Variants in AFF2 observed in about 807,000 individuals in gnomAD.
AFF2 encodes the protein ALF transcription elongation factor 2.
A neutral mutation model predicts 76.9 loss-of-function variants in AFF2; 14 were observed. The observed-to-expected ratio is 0.18, with a 90% confidence interval of 0.12 to 0.28. The LOEUF is 0.28. AFF2 is among the 10% of genes least tolerant of loss of function. The pLI, the probability that AFF2 is intolerant of heterozygous loss-of-function variation, is 1.00. For synonymous variants in AFF2, 398 were observed against 366.7 expected (o/e 1.09, Z -0.98); for missense variants, 868 against 1,001.1 (o/e 0.87, Z 1.79).
intron 19 of AFF2, 65 bp from the exon 20 acceptor site, chrX:148,987,302 G>T: frequency 9.7e-7 from 1 of 1,027,481 alleles, no homozygotes; most frequent in East Asian, 3.1e-5. Context: ...GATGGGGAAG[G>T]CCTAGAACCC....
intron 1 of AFF2, among the ~76,000 whole-genome samples, chrX:148,588,357 A>G (rs2053489598): frequency 8.9e-6 from 1 of 112,882 alleles, no homozygotes; most frequent in Non-Finnish European, 1.9e-5. Flanking sequence ...TGCAGCAGAC[A>G]GTGAAGGTTT....
chrX:148,825,519 G>A (rs1197054143), intron 4 of AFF2, among the ~76,000 whole-genome samples: 1 of 110,285 alleles, frequency 9.1e-6, no homozygotes, highest in Non-Finnish European at 1.9e-5. Context: ...TTTGGCCAAG[G>A]AGTTTAGATT....
At chrX:148,830,508 C>CT (rs2070440665) in intron 4 of AFF2, among the ~76,000 whole-genome samples, 1 of 111,879 alleles carries the variant, frequency 8.9e-6, no homozygotes, top group Non-Finnish European at 1.9e-5. Flanking sequence ...GTCGGCCTGT[C>CT]TGAGAAATAA....
chrX:148,926,391 G>A (rs1173493009), intron 9 of AFF2, among the ~76,000 whole-genome samples: 1 of 111,922 alleles, frequency 8.9e-6, no homozygotes, highest in East Asian at 2.8e-4. Context: ...GAGATGAAAA[G>A]GGGTGAATGG....
chrX:148,942,288 G>A (rs1156315762), intron 9 of AFF2, among the ~76,000 whole-genome samples: 1 of 109,565 alleles, frequency 9.1e-6, no homozygotes, highest in Non-Finnish European at 1.9e-5. Flanking sequence ...GGAGACAAAA[G>A]TCGCATTTCT....
At chrX:148,653,291 A>G (rs1557256628) in intron 2 of AFF2, among the ~76,000 whole-genome samples, 2 of 112,125 alleles carry the variant, frequency 1.8e-5, no homozygotes, top group African/African-American at 6.5e-5. Flanking sequence ...GAAGGTATAT[A>G]TTTAGATATA....
chrX:148,695,146 G>A (rs1410272872), intron 3 of AFF2, among the ~76,000 whole-genome samples: 2 of 111,325 alleles, frequency 1.8e-5, no homozygotes, highest in Non-Finnish European at 3.8e-5. Context: ...CTACCATCCA[G>A]CCATTCCAGT....
intron 1 of AFF2, among the ~76,000 whole-genome samples, chrX:148,524,831 G>A (rs1362936771): frequency 2.7e-5 from 3 of 112,254 alleles, no homozygotes; most frequent in African/African-American, 6.5e-5. Flanking sequence ...ACTAAGGGCT[G>A]TAACTGCCAC....
chrX:148,745,260 A>T (rs1569554747), intron 3 of AFF2, among the ~76,000 whole-genome samples: 1 of 111,792 alleles, frequency 8.9e-6, no homozygotes, highest in Non-Finnish European at 1.9e-5. Context: ...TGATCTCCTT[A>T]TTCCTACAAG....
chrX:148,541,280 G>A (rs1028281134), intron 1 of AFF2, among the ~76,000 whole-genome samples: 6 of 112,145 alleles, frequency 5.4e-5, no homozygotes, highest in East Asian at 2.8e-4. Flanking sequence ...AGCCTGTTGC[G>A]TGCTTATTGT....
intron 3 of AFF2, among the ~76,000 whole-genome samples, chrX:148,808,908 A>C (rs1014890125): frequency 1.8e-5 from 2 of 111,659 alleles, no homozygotes; most frequent in African/African-American, 3.3e-5. Context: ...GGGAGTTAAT[A>C]ATCGTCCTTG....
intron 3 of AFF2, among the ~76,000 whole-genome samples, chrX:148,761,945 G>T (rs1270243814): frequency 9.6e-6 from 1 of 104,081 alleles, no homozygotes; most frequent in Admixed American, 1.1e-4. Context: ...ATATGTGTGT[G>T]TGTATGTGTG....
At chrX:148,826,629 T>C (rs1310616229) in intron 4 of AFF2, among the ~76,000 whole-genome samples, 1 of 111,886 alleles carries the variant, frequency 8.9e-6, no homozygotes, top group Admixed American at 9.4e-5. Context: ...TCATATTGAG[T>C]TTAGAAAGTT....
intron 1 of AFF2, among the ~76,000 whole-genome samples, chrX:148,581,166 C>CATATACGTATACGT (rs782332559): frequency 1.7e-5 from 1 of 60,398 alleles, no homozygotes; most frequent in Non-Finnish European, 2.9e-5. Flanking sequence ...CGTATACACA[C>CATATACGTATACGT]ATACATATAC....
intron 8 of AFF2, among the ~76,000 whole-genome samples, chrX:148,887,167 G>T (rs782396730): frequency 1.8e-5 from 2 of 112,633 alleles, no homozygotes; most frequent in Non-Finnish European, 3.8e-5. Flanking sequence ...ACAACCACAG[G>T]GTAAGTGCAG....
At chrX:148,719,278 CT>C in intron 3 of AFF2, 1 of 976,773 alleles carries the variant, frequency 1.0e-6, no homozygotes, top group Non-Finnish European at 1.4e-6. Flanking sequence ...CAGCCAAAGG[CT>C]TAACAAGTAG....
At chrX:148,897,676 G>T (rs1368899458) in intron 8 of AFF2, among the ~76,000 whole-genome samples, 1 of 109,955 alleles carries the variant, frequency 9.1e-6, no homozygotes, top group Non-Finnish European at 1.9e-5. Flanking sequence ...TTCTGGTTAT[G>T]AATGGTAGGG....
At chrX:148,839,848 G>C (rs1557274124) in intron 5 of AFF2, among the ~76,000 whole-genome samples, 2 of 108,810 alleles carry the variant, frequency 1.8e-5, no homozygotes, top group African/African-American at 6.7e-5. Context: ...GTGTGGTCCT[G>C]TTCAAGTTCC....
At chrX:148,845,869 A>C (rs1208174933) in intron 7 of AFF2, among the ~76,000 whole-genome samples, 1 of 112,085 alleles carries the variant, frequency 8.9e-6, no homozygotes, top group Non-Finnish European at 1.9e-5. Context: ...TAGTGCAGTA[A>C]AGAGAGATTA....
Sources: allele counts gnomAD v4.1 joint callset (sites outside exome capture counted in the v4.1 genomes callset), GRCh38; gene constraint gnomAD v4.1.1; transcripts MANE v1.5; gene names NCBI Gene and HGNC (gene_info 2026-07-23, HGNC 2026-07-21).